GRM8: variants seen among roughly 807,000 people sequenced by gnomAD.
The protein encoded by GRM8 is glutamate metabotropic receptor 8.
GRM8 carries 47 observed loss-of-function variants against 87.2 expected under a neutral mutation model. The ratio of observed to expected loss-of-function variants is 0.54; its 90% CI spans 0.43 to 0.69. The LOEUF (loss-of-function observed/expected upper bound fraction) is 0.69. GRM8 is among the 30% of genes least tolerant of loss of function. GRM8 has a pLI of 0.00. For synonymous variants in GRM8, 396 were observed against 404.5 expected, an observed-to-expected ratio of 0.98 and a Z score of 0.25; for missense variants, 1,019 against 1,139.2, an observed-to-expected ratio of 0.89 and a Z score of 1.52.
rs531372472 is a variant in GRM8, at chr7:126,728,948, T to C, written c.1357+40917A>G. ...TCGCTAGCCTCACCACTTCATTTCC[T>C]TCAGGTCTCTGTTCACACAGGACCT... On this transcript the variant is annotated intron_variant, in intron 7 of 10. Transcript: ENST00000339582. Among the ~76,000 whole-genome samples, 20 of 152,312 alleles carry C rather than the reference T, an allele frequency of 1.3e-4. 1 individual carries two copies. The South Asian group carries it at 1.7e-3, about 13-fold the overall frequency.
At chr7:126,514,618 G>A (rs927351871) in intron 9 of GRM8, among the ~76,000 whole-genome samples, 5 of 151,824 alleles carry the variant, frequency 3.3e-5, no homozygotes, top group South Asian at 2.1e-4. Flanking sequence ...GATAACACAC[G>A]GCAAGAGGAA....
chr7:126,624,217 C>T (rs990815271), intron 7 of GRM8, among the ~76,000 whole-genome samples: 1 of 152,180 alleles, frequency 6.6e-6, no homozygotes, highest in Non-Finnish European at 1.5e-5. Context: ...TAGAATAAAA[C>T]TCAAAGGCTT....
At chr7:126,893,037 G>C (rs1801207991) in intron 6 of GRM8, among the ~76,000 whole-genome samples, 1 of 152,054 alleles carries the variant, frequency 6.6e-6, no homozygotes, top group African/African-American at 2.4e-5. Context: ...TTGTATAAAT[G>C]AAACCTTTTT....
intron 8 of GRM8, among the ~76,000 whole-genome samples, chr7:126,608,267 C>T (rs1033249747): frequency 4.6e-5 from 7 of 152,048 alleles, no homozygotes; most frequent in Admixed American, 6.6e-5. Flanking sequence ...CTCCCCAAAT[C>T]CCCCAAAGAC....
At chr7:127,102,771 G>T (rs1244426748) in intron 3 of GRM8, among the ~76,000 whole-genome samples, 2 of 152,204 alleles carry the variant, frequency 1.3e-5, no homozygotes, top group African/African-American at 4.8e-5. Context: ...CTCTACAAGG[G>T]CAGTGTCAGG....
At chr7:126,781,907 G>T (rs1563182569) in intron 6 of GRM8, among the ~76,000 whole-genome samples, 1 of 151,834 alleles carries the variant, frequency 6.6e-6, no homozygotes, top group Non-Finnish European at 1.5e-5. Context: ...GTAGAGATGG[G>T]GTCTCCTCAT....
At chr7:126,723,664 G>GGT (rs1201730773) in intron 7 of GRM8, among the ~76,000 whole-genome samples, 1 of 152,136 alleles carries the variant, frequency 6.6e-6, no homozygotes, top group African/African-American at 2.4e-5. Context: ...TGCACTCATA[G>GGT]GTGTGGGCAA....
At chr7:126,713,518 T>C (rs1297643620) in intron 7 of GRM8, among the ~76,000 whole-genome samples, 2 of 151,626 alleles carry the variant, frequency 1.3e-5, no homozygotes, top group African/African-American at 4.8e-5. Flanking sequence ...ACCTAGCTGA[T>C]TGGGTTGATG....
intron 6 of GRM8, among the ~76,000 whole-genome samples, chr7:126,832,692 C>T (rs540704154): frequency 1.2e-3 from 187 of 152,292 alleles, no homozygotes; most frequent in African/African-American, 4.2e-3. Context: ...TGCTAAACCA[C>T]ATGACTATCC....
chr7:127,249,678 T>C (rs537156943), intron 1 of GRM8, among the ~76,000 whole-genome samples: 3 of 152,140 alleles, frequency 2.0e-5, no homozygotes, highest in South Asian at 2.1e-4. Context: ...AAAGCCCAAA[T>C]CTAAATTCCA....
intron 7 of GRM8, among the ~76,000 whole-genome samples, chr7:126,648,412 G>A (rs1040160577): frequency 1.3e-5 from 2 of 152,174 alleles, no homozygotes; most frequent in African/African-American, 4.8e-5. Context: ...TATGCCTAAT[G>A]TAGTGCCAGG....
chr7:126,820,584 A>C (rs948560393), intron 6 of GRM8, among the ~76,000 whole-genome samples: 1 of 152,248 alleles, frequency 6.6e-6, no homozygotes, highest in Non-Finnish European at 1.5e-5. Flanking sequence ...ACTAGAGATC[A>C]CATAATAGAA....
intron 8 of GRM8, among the ~76,000 whole-genome samples, chr7:126,606,200 G>T (rs531494095): frequency 6.6e-6 from 1 of 152,282 alleles, no homozygotes; most frequent in South Asian, 2.1e-4. Context: ...CATTTTAAAT[G>T]CAGAGACTGT....
rs560273525 is a variant in GRM8 at position 126,900,482 on chromosome 7, C to T, written c.1156+2060G>A. Among the ~76,000 whole-genome samples the T allele has an allele frequency of 4.8e-3, 367 of 76,506 alleles. 1 individual carries two copies. Among genetic ancestry groups the T allele is most frequent in the African/African-American group, 0.023 (351 of 15,356 alleles). 50.2% of individuals were successfully genotyped at this position (76,506 alleles called of 152,430 possible). A position where few individuals can be genotyped will look rare whatever the true frequency, so the allele number is the denominator to read the frequency against. On this transcript the variant is annotated intron_variant, in intron 6 of 10. Coordinates refer to ENST00000339582, the MANE Select transcript of GRM8 (RefSeq NM_000845.3). ...AGCGTCTGTCCTGTGTGTTACATCCCTAGCTAGCTTTTTTGTTTGTTTGTT... is the reference window on the plus strand; with the variant it reads ...AGCGTCTGTCCTGTGTGTTACATCCTTAGCTAGCTTTTTTGTTTGTTTGTT...
chr7:127,140,583 CT>C (rs1828208711), intron 2 of GRM8, among the ~76,000 whole-genome samples: 1 of 152,126 alleles, frequency 6.6e-6, no homozygotes, highest in Non-Finnish European at 1.5e-5. Flanking sequence ...TTCAAATGCC[CT>C]TGGGTGGAGT....
chr7:126,946,936 A>C (rs893597060), intron 3 of GRM8, among the ~76,000 whole-genome samples: 1 of 152,208 alleles, frequency 6.6e-6, no homozygotes, highest in African/African-American at 2.4e-5. Flanking sequence ...TTTATGATTC[A>C]TGTCATCATT....
chr7:127,223,165 G>C (rs78782823), intron 2 of GRM8, among the ~76,000 whole-genome samples: 3 of 152,084 alleles, frequency 2.0e-5, no homozygotes, highest in African/African-American at 7.2e-5. Flanking sequence ...GAAAGGTGGG[G>C]AGCTGCCAAG....
intron 6 of GRM8, among the ~76,000 whole-genome samples, chr7:126,863,367 T>C (rs1053495795): frequency 6.6e-6 from 1 of 152,154 alleles, no homozygotes; most frequent in Non-Finnish European, 1.5e-5. Context: ...CTAACATTTT[T>C]CAAGTATTTA....
chr7:126,635,901 C>G (rs779141526), intron 7 of GRM8, among the ~76,000 whole-genome samples: 3 of 152,064 alleles, frequency 2.0e-5, no homozygotes, highest in Non-Finnish European at 2.9e-5. Flanking sequence ...CCTAAATACA[C>G]ACAAGCATTT....
Sources: allele counts gnomAD v4.1 joint callset (sites outside exome capture counted in the v4.1 genomes callset), GRCh38; gene constraint gnomAD v4.1.1; transcripts MANE v1.5; gene names NCBI Gene and HGNC (gene_info 2026-07-23, HGNC 2026-07-21).